The following ZNRF1 variants were observed in gnomAD, a reference collection of about 807,000 sequenced individuals.
The protein encoded by ZNRF1 is zinc and ring finger 1.
A neutral mutation model predicts 18.4 loss-of-function variants in ZNRF1; 3 were observed. That is an observed-to-expected ratio of 0.16 (90% confidence interval 0.07 to 0.42). The LOEUF (loss-of-function observed/expected upper bound fraction) is 0.42, where lower values mean the gene tolerates loss of function less well. ZNRF1 is among the 10% of genes least tolerant of loss of function. ZNRF1 has a pLI of 0.99. For synonymous variants in ZNRF1, 157 were observed against 144.2 expected, an observed-to-expected ratio of 1.09 and a Z score of -0.64; for missense variants, 310 against 329.8, an observed-to-expected ratio of 0.94 and a Z score of 0.47.
chr16:75,020,774 C>G (rs957708631), intron 1 of ZNRF1, among the ~76,000 whole-genome samples: 1 of 152,094 alleles, frequency 6.6e-6, no homozygotes, highest in African/African-American at 2.4e-5. Context: ...GATCTCCTGA[C>G]CTCATGATCC....
In ZNRF1 at chr16:75,078,296, C is replaced by CTTT. The variant is rs36075131; in HGVS notation, c.425-15256_425-15254dup. Among the ~76,000 whole-genome samples, 397 of 113,114 alleles carry CTTT rather than the reference C, an allele frequency of 3.5e-3. 2 individuals carry two copies. Among genetic ancestry groups the CTTT allele is most frequent in the Middle Eastern group, 9.8e-3 (2 of 204 alleles). 74.2% of individuals were successfully genotyped at this position (113,114 alleles called of 152,430 possible). A position where few individuals can be genotyped will look rare whatever the true frequency, so the allele number is the denominator to read the frequency against. On this transcript the variant is annotated intron_variant, in intron 1 of 4. Transcript: ENST00000335325. ...TCTCTTCCATACATTTCTTTCTTTC[C>CTTT]TTTTTTTTTTTTTTTTTTTTTTGAC... is the stretch of plus-strand genomic sequence containing the variant.
At chr16:75,084,002 A>C (rs930454833) in intron 1 of ZNRF1, among the ~76,000 whole-genome samples, 1 of 152,236 alleles carries the variant, frequency 6.6e-6, no homozygotes, top group Non-Finnish European at 1.5e-5. Flanking sequence ...TGCTGCATAC[A>C]GTGCAGGTCA....
At chr16:75,094,500 C>T (rs1260760960) in intron 2 of ZNRF1, among the ~76,000 whole-genome samples, 1 of 152,216 alleles carries the variant, frequency 6.6e-6, no homozygotes, top group African/African-American at 2.4e-5. Flanking sequence ...CAATCTTATA[C>T]AAGTTGCTCA....
chr16:75,004,272 T>C (rs896924933), intron 1 of ZNRF1, among the ~76,000 whole-genome samples: 1 of 152,210 alleles, frequency 6.6e-6, no homozygotes, highest in Admixed American at 6.5e-5. Context: ...GGCTGCTTTA[T>C]AGAAGCAGAG....
In ZNRF1 at chr16:75,086,818, C is replaced by T. The variant is rs141215785; in HGVS notation, c.425-6754C>T. Among the ~76,000 whole-genome samples the T allele has an allele frequency of 7.2e-5, 11 of 152,278 alleles. No homozygotes were observed. The East Asian group carries it at 2.1e-3, about 29-fold the overall frequency. ...GTTACCCTCATCTACCCCTCTGCCC[C>T]AGGACCTCCCATCTGTGTGGCGTGG... On this transcript the variant is annotated intron_variant, in intron 1 of 4. Coordinates refer to ENST00000335325, the MANE Select transcript of ZNRF1 (RefSeq NM_032268.5).
chr16:75,079,485 A>G (rs1232311706), intron 1 of ZNRF1, among the ~76,000 whole-genome samples: 1 of 152,060 alleles, frequency 6.6e-6, no homozygotes, highest in Non-Finnish European at 1.5e-5. Context: ...TCTCAAAAAC[A>G]AAAACAAGAA....
Position 75,048,871 on chromosome 16 carries a change from T to C in ZNRF1, c.425-44701T>C, listed in dbSNP as rs140017562. Among the ~76,000 whole-genome samples the C allele has an allele frequency of 1.5e-4, 23 of 152,316 alleles. No homozygotes were observed. The Middle Eastern group carries it at 0.01, about 68-fold the overall frequency. Reference sequence around the variant, plus strand: ...GGTGGTTTTTAAAACCTGTGGATAATCCTTACATTCATTGAATTAAAAAAA... The same window carrying C: ...GGTGGTTTTTAAAACCTGTGGATAACCCTTACATTCATTGAATTAAAAAAA... On this transcript the variant is annotated intron_variant, in intron 1 of 4. Coordinates refer to ENST00000335325, the MANE Select transcript of ZNRF1 (RefSeq NM_032268.5).
intron 1 of ZNRF1, among the ~76,000 whole-genome samples, chr16:75,023,805 A>G (rs1597863856): frequency 6.6e-6 from 1 of 152,020 alleles, no homozygotes; most frequent in Non-Finnish European, 1.5e-5. Flanking sequence ...TGACACTGTT[A>G]TAATTTACCT....
At chr16:75,080,218 G>C (rs2035992952) in intron 1 of ZNRF1, among the ~76,000 whole-genome samples, 1 of 152,080 alleles carries the variant, frequency 6.6e-6, no homozygotes, top group African/African-American at 2.4e-5. Context: ...GCCTGGCTGA[G>C]CTGATGGTTT....
chr16:75,078,049 C>T (rs1182762360), intron 1 of ZNRF1, among the ~76,000 whole-genome samples: 1 of 152,182 alleles, frequency 6.6e-6, no homozygotes, highest in African/African-American at 2.4e-5. Flanking sequence ...CATTATTCTG[C>T]CTACCACACC....
chr16:75,027,218 C>A (rs956185282), intron 1 of ZNRF1, among the ~76,000 whole-genome samples: 5 of 152,028 alleles, frequency 3.3e-5, no homozygotes, highest in African/African-American at 1.2e-4. Context: ...CTGCAATGAG[C>A]TGTGATCACA....
At chr16:75,056,131 T>C (rs1205933373) in intron 1 of ZNRF1, among the ~76,000 whole-genome samples, 1 of 152,242 alleles carries the variant, frequency 6.6e-6, no homozygotes, top group African/African-American at 2.4e-5. Flanking sequence ...CCATATCACA[T>C]TAAGACTCCT....
At chr16:75,083,478 A>G (rs1386185447) in intron 1 of ZNRF1, among the ~76,000 whole-genome samples, 1 of 152,224 alleles carries the variant, frequency 6.6e-6, no homozygotes, top group Admixed American at 6.5e-5. Flanking sequence ...GGAATCTACC[A>G]TGCTTAGAGT....
chr16:75,051,267 G>A (rs2035599940), intron 1 of ZNRF1, among the ~76,000 whole-genome samples: 1 of 151,848 alleles, frequency 6.6e-6, no homozygotes, highest in Admixed American at 6.6e-5. Flanking sequence ...GAGTGCAGTG[G>A]CACAATCTCA....
intron 1 of ZNRF1, among the ~76,000 whole-genome samples, chr16:75,014,983 A>G (rs2035048273): frequency 6.6e-6 from 1 of 151,870 alleles, no homozygotes; most frequent in African/African-American, 2.4e-5. Flanking sequence ...TCATGTTTAT[A>G]TTGGGTGGTT....
At chr16:75,072,178 C>G (rs750640990) in intron 1 of ZNRF1, among the ~76,000 whole-genome samples, 4 of 151,910 alleles carry the variant, frequency 2.6e-5, no homozygotes, top group Non-Finnish European at 5.9e-5. Context: ...CACTGTGTTG[C>G]CCTGGCTGGT....
chr16:75,032,658 GA>G, intron 1 of ZNRF1, among the ~76,000 whole-genome samples: 1 of 152,180 alleles, frequency 6.6e-6, no homozygotes, highest in African/African-American at 2.4e-5. Context: ...TTCTGATAAG[GA>G]ATTAGTATAT....
intron 1 of ZNRF1, among the ~76,000 whole-genome samples, chr16:75,070,503 T>A (rs936469897): frequency 6.6e-6 from 1 of 152,192 alleles, no homozygotes; most frequent in African/African-American, 2.4e-5. Context: ...ACATCCACAT[T>A]TTTTTGCAAC....
chr16:75,095,851 T>C (rs772831671), intron 2 of ZNRF1: 48 of 1,150,496 alleles, frequency 4.2e-5, no homozygotes, highest in Non-Finnish European at 5.6e-5. Flanking sequence ...GCGCTGTTGG[T>C]TTACCCCCCT....
Sources: allele counts gnomAD v4.1 joint callset (sites outside exome capture counted in the v4.1 genomes callset), GRCh38; gene constraint gnomAD v4.1.1; transcripts MANE v1.5; gene names NCBI Gene and HGNC (gene_info 2026-07-23, HGNC 2026-07-21).